Variants in ZNF225 observed in about 807,000 individuals in gnomAD.
ZNF225 encodes the protein zinc finger protein 225.
ZNF225 carries 6 observed loss-of-function variants against 12.0 expected under a neutral mutation model. That is an observed-to-expected ratio of 0.50 (90% CI 0.27 to 0.98). The LOEUF (loss-of-function observed/expected upper bound fraction) is 0.98, where lower values mean the gene tolerates loss of function less well. Ranked by LOEUF, ZNF225 falls within the 50% of genes least tolerant of loss-of-function variation. The probability of loss-of-function intolerance (pLI) is 0.11; values close to 1 mark genes in which losing one functional copy is unlikely to be tolerated. For missense variants in ZNF225, 763 were observed against 848.2 expected (o/e 0.90, Z 1.25); for synonymous variants, 271 against 283.2 (o/e 0.96, Z 0.43).
At chr19:44,116,215 C>G (rs2147552207) in intron 2 of ZNF225, among the ~76,000 whole-genome samples, 1 of 152,326 alleles carries the variant, frequency 6.6e-6, no homozygotes, top group Non-Finnish European at 1.5e-5. Context: ...CTTGGGAAGA[C>G]TTAGGGAGTA....
chr19:44,132,803 CAG>C lies in ZNF225; in HGVS notation c.*69_*70del. 7.6e-7 allele frequency: 1 copy of C among 1,312,856 alleles called. No individual in the cohort carries two copies. 81.3% of individuals were successfully genotyped at this position (1,312,856 alleles called of 1,614,324 possible). A position where few individuals can be genotyped will look rare whatever the true frequency, so the allele number is the denominator to read the frequency against. On this transcript the variant is annotated 3_prime_UTR_variant, in exon 5 of 5. Transcript: ENST00000262894. ...AGTATACAATGTGTAATGATCAAAT[CAG>C]TGTAATTAACATACCTATCACCTCA...
chr19:44,125,840 C>T (rs1037743090), intron 4 of ZNF225, among the ~76,000 whole-genome samples: 1 of 152,084 alleles, frequency 6.6e-6, no homozygotes, highest in Non-Finnish European at 1.5e-5. Context: ...TGAGACTTTC[C>T]AGAGCATTTT....
intron 4 of ZNF225, 118 bp downstream of exon 4, chr19:44,118,692 C>A: frequency 1.9e-6 from 2 of 1,047,046 alleles, no homozygotes; most frequent in Non-Finnish European, 1.4e-6. Flanking sequence ...TGAATTATTA[C>A]AGCTGACTTT....
chr19:44,118,721 C>T, intron 4 of ZNF225, 147 bp downstream of exon 4: 1 of 746,144 alleles, frequency 1.3e-6, no homozygotes, highest in Non-Finnish European at 2.1e-6. Context: ...TTCCCTGCTC[C>T]CACTTTTCCC....
At chr19:44,123,778 T>C (rs989101475) in intron 4 of ZNF225, among the ~76,000 whole-genome samples, 4 of 152,288 alleles carry the variant, frequency 2.6e-5, no homozygotes, top group Admixed American at 1.3e-4. Context: ...TTTATGTGTG[T>C]AAAGGTGTTC....
At chr19:44,114,927 T>C (rs1305743991) in intron 1 of ZNF225, among the ~76,000 whole-genome samples, 1 of 151,570 alleles carries the variant, frequency 6.6e-6, no homozygotes, top group Non-Finnish European at 1.5e-5. Context: ...TTCCGCATTG[T>C]AAAATTATTT....
chr19:44,128,777 G>A (rs1048416622), intron 4 of ZNF225: 1 of 351,124 alleles, frequency 2.8e-6, no homozygotes, highest in Non-Finnish European at 5.1e-6. Context: ...TTTCTATTCT[G>A]GTTCTTTTTC....
rs750294902 is a variant in ZNF225 at position 44,131,418 on chromosome 19, CTTCA to C, written c.810_813del (p.Ile270MetfsTer57). ...ATATTTGTGAGAAATGTGGGAAGGC[CTTCA>C]TTCATGATTCCCAGCTTCAGGAACA... On this transcript the variant is annotated frameshift_variant, in exon 5 of 5. Transcript: ENST00000262894. LOFTEE classifies it low-confidence loss of function (END_TRUNC). 6.2e-6 allele frequency: 10 copies of C among 1,613,940 alleles called. No homozygotes were observed. In the African/African-American group the frequency reaches 6.7e-5, roughly 11 times the overall value.
rs1968296588 is a variant in ZNF225, at chr19:44,132,429, T to C, written c.1815T>C (p.Phe605=). The change falls in exon 5 of 5, where the codon TTT becomes TTC. Residue 605 remains phenylalanine (F), a synonymous_variant. Transcript: ENST00000262894. ...AATGTGAAGAGTGTGGGAAGAGATT[T>C]ACTGAGAATTCACAGCTTCATTCCC... is the stretch of plus-strand genomic sequence containing the variant. ...PFKCEECGKR[F]TENSQLHSHQ... 1.2e-6 allele frequency: 2 copies of C among 1,614,076 alleles called. No homozygotes were observed. The highest frequency in any genetic ancestry group is 1.3e-5 in the African/African-American group (1 of 74,928).
rs144976614 is a variant in ZNF225 at position 44,115,619 on chromosome 19, T to A, written c.-68-141T>A. On this transcript the variant is annotated intron_variant, in intron 1 of 4. Transcript: ENST00000262894. ...CCATGTACGCATAGGAGGGAGTTTG[T>A]TGGTGTGCAGTTTTGGGTTACTATG... The A allele has an allele frequency of 1.6e-3, 780 of 478,018 alleles. 7 individuals carry two copies. Among genetic ancestry groups the A allele is most frequent in the African/African-American group, 0.014 (718 of 50,814 alleles). 29.6% of individuals were successfully genotyped at this position (478,018 alleles called of 1,614,324 possible).
chr19:44,118,895 C>T (rs999890287), intron 4 of ZNF225, among the ~76,000 whole-genome samples: 1 of 151,742 alleles, frequency 6.6e-6, no homozygotes, highest in Non-Finnish European at 1.5e-5. Context: ...CGGCTCACTG[C>T]AAGCTCCGCT....
At position 44,120,163 on chromosome 19, in the gene ZNF225, G is replaced by A. The variant is rs139226238; in HGVS notation, c.235+1589G>A. Among the ~76,000 whole-genome samples the A allele has an allele frequency of 9.1e-4, 139 of 152,272 alleles. 1 individual carries two copies. Among genetic ancestry groups the A allele is most frequent in the African/African-American group, 3.2e-3 (133 of 41,542 alleles). ...ACCCAGGAAGCGGAGGTTGCAGTGA[G>A]CCGAGATGGCGCCACCGCACTCCAG... On this transcript the variant is annotated intron_variant, in intron 4 of 4. Transcript: ENST00000262894.
At chr19:44,123,977 T>C (rs1021439291) in intron 4 of ZNF225, among the ~76,000 whole-genome samples, 1 of 149,940 alleles carries the variant, frequency 6.7e-6, no homozygotes, top group Non-Finnish European at 1.5e-5. Flanking sequence ...ATTTTTTGTT[T>C]TGTTTTGTTT....
Position 44,132,553 on chromosome 19 carries a change from A to G in ZNF225, c.1939A>G (p.Ser647Gly), listed in dbSNP as rs1208702011. The G allele has an allele frequency of 6.2e-7, 1 of 1,614,178 alleles. No individual in the cohort carries two copies. The highest frequency in any genetic ancestry group is 1.7e-5 in the Admixed American group (1 of 60,022). ...TCATCTAACCCATCAGAGACTCCACAGTAGAGAAAAACTACTTCAATGTGA... is the reference window on the plus strand; with the variant it reads ...TCATCTAACCCATCAGAGACTCCACGGTAGAGAAAAACTACTTCAATGTGA... ...STHLTHQRLHSREKLLQCEDC... is the reference protein window; with the variant it reads ...STHLTHQRLHGREKLLQCEDC... The change falls in exon 5 of 5, where the codon AGT becomes GGT. Residue 647 changes from serine (S) to glycine (G), a missense_variant. Physicochemically the swap from Ser to Gly is moderately conservative, Grantham distance 56. Coordinates refer to ENST00000262894, the MANE Select transcript of ZNF225 (RefSeq NM_013362.4).
intron 4 of ZNF225, among the ~76,000 whole-genome samples, chr19:44,127,906 T>C (rs1361920408): frequency 1.3e-5 from 2 of 152,148 alleles, no homozygotes; most frequent in African/African-American, 4.8e-5. Context: ...CCTCCCAAAG[T>C]GCTGGGATTG....
intron 4 of ZNF225, 82 bp from the exon 5 acceptor site, chr19:44,130,768 G>A: frequency 9.1e-7 from 1 of 1,103,826 alleles, no homozygotes; most frequent in South Asian, 1.6e-5. Context: ...TAAAATTTCA[G>A]GCTATGTCCT....
Position 44,131,431 on chromosome 19 carries a change from T to G in ZNF225, c.817T>G (p.Ser273Ala). ...ATGTGGGAAGGCCTTCATTCATGAT[T>G]CCCAGCTTCAGGAACATCAAAGAAT... ...EKCGKAFIHD[S>A]QLQEHQRIHT... Residue 273 changes from serine (S) to alanine (A), a missense_variant, in exon 5 of 5, where the codon TCC becomes GCC. Coordinates refer to ENST00000262894, the MANE Select transcript of ZNF225 (RefSeq NM_013362.4). 1 of 1,614,196 alleles carries G rather than the reference T, an allele frequency of 6.2e-7. No homozygotes were observed.
chr19:44,132,706 C>T lies in ZNF225; in HGVS notation c.2092C>T (p.Leu698Phe). ...CAAGAGGCGCTTGAATCTTGATACGCTTTTGTCATTATTTTTAAATGACAC... is the reference window on the plus strand; with the variant it reads ...CAAGAGGCGCTTGAATCTTGATACGTTTTTGTCATTATTTTTAAATGACAC... Reference protein sequence around the residue: ...RYKRRLNLDTLLSLFLNDT With the variant: ...RYKRRLNLDTFLSLFLNDT The change falls in exon 5 of 5, where the codon CTT (leucine) becomes TTT (phenylalanine). Residue 698 changes from leucine (L) to phenylalanine (F), a missense_variant. Physicochemically the swap from Leu to Phe is conservative, Grantham distance 22. Coordinates refer to ENST00000262894, the MANE Select transcript of ZNF225 (RefSeq NM_013362.4). 1 of 1,604,188 alleles carries T rather than the reference C, an allele frequency of 6.2e-7. No homozygotes were observed. Among genetic ancestry groups the T allele is most frequent in the South Asian group, 1.1e-5 (1 of 89,390 alleles).
chr19:44,123,518 G>A (rs899917342), intron 4 of ZNF225, among the ~76,000 whole-genome samples: 1 of 152,246 alleles, frequency 6.6e-6, no homozygotes, highest in Admixed American at 6.5e-5. Context: ...GGATGAATTA[G>A]GAAGGGTTCC....
Sources: gnomAD v4.1 joint callset for allele counts (sites outside exome capture counted in the v4.1 genomes callset) on GRCh38, gnomAD v4.1.1 for gene constraint, MANE v1.5 for transcripts, NCBI Gene and HGNC (gene_info 2026-07-23, HGNC 2026-07-21) for gene names.